The following NSUN6 variants were observed in gnomAD, a reference collection of about 807,000 sequenced individuals.
NSUN6 encodes the protein tRNA (cytosine(72)-C(5))-methyltransferase NSUN6.
NSUN6 carries 64 observed loss-of-function variants against 58.0 expected under a neutral mutation model. The observed-to-expected ratio is 1.10, with a 90% confidence interval of 0.90 to 1.36. The LOEUF is 1.36. Among genes scored for constraint, NSUN6 ranks in the 40% most tolerant of loss-of-function variants. NSUN6 has a pLI of 0.00. For missense variants in NSUN6, 701 were observed against 550.1 expected, an observed-to-expected ratio of 1.27 and a Z score of -2.74; for synonymous variants, 231 against 193.9, an observed-to-expected ratio of 1.19 and a Z score of -1.59.
intron 6 of NSUN6, among the ~76,000 whole-genome samples, chr10:18,599,792 T>A (rs144909549): frequency 1.6e-4 from 24 of 152,314 alleles, no homozygotes; most frequent in Admixed American, 8.5e-4. Context: ...AAAAATTCAG[T>A]TTCAGGCACC....
intron 8 of NSUN6, among the ~76,000 whole-genome samples, chr10:18,580,666 C>T (rs1402142371): frequency 2.0e-5 from 3 of 152,100 alleles, no homozygotes; most frequent in African/African-American, 7.2e-5. Context: ...AGGCTGCCAC[C>T]CCAGCCCAGC....
intron 6 of NSUN6, among the ~76,000 whole-genome samples, chr10:18,598,063 G>A (rs1209332371): frequency 1.3e-5 from 2 of 152,184 alleles, no homozygotes; most frequent in Non-Finnish European, 2.9e-5. Context: ...CAAAAGAAGT[G>A]AAATTAGCTT....
chr10:18,615,106 CATATAT>C (rs5783616), intron 4 of NSUN6, among the ~76,000 whole-genome samples: 8 of 147,066 alleles, frequency 5.4e-5, no homozygotes, highest in South Asian at 2.2e-4. Context: ...TATAGTCATT[CATATAT>C]ATATATATAT....
Position 18,545,981 on chromosome 10 carries a change from G to T in NSUN6, c.1362C>A (p.Asp454Glu). The change falls in exon 11 of 11, where the codon GAC (aspartate) becomes GAA (glutamate). Residue 454 changes from aspartate (D) to glutamate (E), a missense_variant. Asp to Glu is a conservative substitution (Grantham distance 45). Coordinates refer to ENST00000377304, the MANE Select transcript of NSUN6 (RefSeq NM_182543.5). ...REDMLRLANKDSIGFFIAKFV... is the reference protein window; with the variant it reads ...REDMLRLANKESIGFFIAKFV... Reference sequence around the variant, plus strand: ...ATTTTGCAATAAAAAAACCTATAGAGTCCTTATTAGCCAGACGCAACATGT... The same window carrying T: ...ATTTTGCAATAAAAAAACCTATAGATTCCTTATTAGCCAGACGCAACATGT... 6.3e-7 allele frequency: 1 copy of T among 1,584,018 alleles called. No homozygotes were observed. The highest frequency in any genetic ancestry group is 8.5e-7 in the Non-Finnish European group (1 of 1,172,082).
chr10:18,616,222 G>A lies in NSUN6; in HGVS notation c.383C>T (p.Ala128Val). 1.2e-6 allele frequency: 2 copies of A among 1,604,694 alleles called. No individual in the cohort carries two copies. The highest frequency in any genetic ancestry group is 1.7e-6 in the Non-Finnish European group (2 of 1,171,536). Reference sequence around the variant, plus strand: ...CACAATTCCTGGGGCATAGACATGGGCTCCTCTTAAAACTGCATTGCCACA... The same window carrying A: ...CACAATTCCTGGGGCATAGACATGGACTCCTCTTAAAACTGCATTGCCACA... ...AQCGNAVLRG[A>V]HVYAPGIVSA... The change falls in exon 4 of 11, where the codon GCC becomes GTC. Residue 128 changes from alanine (A) to valine (V), a missense_variant. By Grantham distance (64) the Ala-to-Val change is moderately conservative. Transcript: ENST00000377304.
At position 18,580,294 on chromosome 10, in the gene NSUN6, T is replaced by C. The variant is rs190190302; in HGVS notation, c.922+5655A>G. ...GTGCCATGACCCGCTCTTTTCTCCCTTTTCCAACTACTTTCCACTTCTCCG... is the reference window on the plus strand; with the variant it reads ...GTGCCATGACCCGCTCTTTTCTCCCCTTTCCAACTACTTTCCACTTCTCCG... On this transcript the variant is annotated intron_variant, in intron 8 of 10. Coordinates refer to ENST00000377304, the MANE Select transcript of NSUN6 (RefSeq NM_182543.5). Among the ~76,000 whole-genome samples the C allele has an allele frequency of 8.3e-4, 127 of 152,288 alleles. 2 individuals are homozygous for C. Among genetic ancestry groups the C allele is most frequent in the African/African-American group, 2.8e-3 (118 of 41,554 alleles).
rs112028728 is a variant in NSUN6, at chr10:18,641,369, C to CT, written c.311+1106dup. Among the ~76,000 whole-genome samples, 886 of 141,718 alleles carry CT rather than the reference C, an allele frequency of 6.3e-3. 1 individual carries two copies. The highest frequency in any genetic ancestry group is 0.011 in the Middle Eastern group (3 of 270). The allele number at this position is 141,718 out of a possible 152,430, so 93.0% of individuals were successfully genotyped here. A position where few individuals can be genotyped will look rare whatever the true frequency, so the allele number is the denominator to read the frequency against. Reference sequence around the variant, plus strand: ...ATTATACTATGAAAACTTATTTTTCCTTTTTTTTTTTTTTGAGACAAGGTC... The same window carrying CT: ...ATTATACTATGAAAACTTATTTTTCCTTTTTTTTTTTTTTTGAGACAAGGTC... On this transcript the variant is annotated intron_variant, in intron 3 of 10. Coordinates refer to ENST00000377304, the MANE Select transcript of NSUN6 (RefSeq NM_182543.5).
intron 8 of NSUN6, among the ~76,000 whole-genome samples, chr10:18,563,893 C>CATCCT (rs1482728564): frequency 4.0e-5 from 6 of 151,042 alleles, no homozygotes; most frequent in Admixed American, 6.6e-5. Flanking sequence ...CATTCCATTC[C>CATCCT]ATCCTCCATT....
At chr10:18,615,348 T>C (rs1469745778) in intron 4 of NSUN6, among the ~76,000 whole-genome samples, 1 of 152,182 alleles carries the variant, frequency 6.6e-6, no homozygotes, top group Admixed American at 6.5e-5. Flanking sequence ...TTTGGTCTAT[T>C]ACCTGACAAC....
intron 7 of NSUN6, among the ~76,000 whole-genome samples, chr10:18,593,642 G>C (rs1452960976): frequency 3.3e-5 from 5 of 152,084 alleles, no homozygotes; most frequent in Non-Finnish European, 5.9e-5. Flanking sequence ...TCACTCATAA[G>C]TGGGAGTTGA....
At chr10:18,642,932 C>G (rs1042651267) in intron 2 of NSUN6, among the ~76,000 whole-genome samples, 1 of 151,982 alleles carries the variant, frequency 6.6e-6, no homozygotes, top group African/African-American at 2.4e-5. Flanking sequence ...ATAAATACTA[C>G]CTAATATACA....
Position 18,651,552 on chromosome 10 carries a change from G to A in NSUN6, c.-349C>T, listed in dbSNP as rs1217651644. 4 of 1,008,610 alleles carry A rather than the reference G, an allele frequency of 4.0e-6. No homozygotes were observed. The allele number at this position is 1,008,610 out of a possible 1,614,324, so 62.5% of individuals were successfully genotyped here. A position where few individuals can be genotyped will look rare whatever the true frequency, so the allele number is the denominator to read the frequency against. ...GAAACGGACGCAGATCAGTAAGCCA[G>A]GCTGACAGCAGCTCGGTCCCTTTAT... is the stretch of plus-strand genomic sequence containing the variant. On this transcript the variant is annotated 5_prime_UTR_variant, in exon 1 of 11. Transcript: ENST00000377304.
At chr10:18,629,768 C>T (rs1401964920) in intron 3 of NSUN6, among the ~76,000 whole-genome samples, 2 of 146,042 alleles carry the variant, frequency 1.4e-5, no homozygotes, top group Non-Finnish European at 3.0e-5. Context: ...TCCTGAGTGA[C>T]CTACAAAGAG....
intron 3 of NSUN6, among the ~76,000 whole-genome samples, chr10:18,622,920 T>C (rs141419138): frequency 8.1e-4 from 124 of 152,304 alleles, no homozygotes; most frequent in African/African-American, 2.9e-3. Context: ...AAATTACCAA[T>C]TGGTTTTTGG....
chr10:18,562,475 G>C (rs1187505820), intron 8 of NSUN6, among the ~76,000 whole-genome samples: 3 of 150,898 alleles, frequency 2.0e-5, no homozygotes, highest in African/African-American at 7.4e-5. Flanking sequence ...TTGCAGAATG[G>C]AATGGATTGT....
At chr10:18,626,412 G>C (rs930462105) in intron 3 of NSUN6, among the ~76,000 whole-genome samples, 1 of 152,088 alleles carries the variant, frequency 6.6e-6, no homozygotes, top group African/African-American at 2.4e-5. Context: ...AAATTAGCTG[G>C]TAAAATTTTA....
intron 3 of NSUN6, among the ~76,000 whole-genome samples, chr10:18,626,210 A>G (rs12784986): frequency 6.6e-6 from 1 of 151,672 alleles, no homozygotes; most frequent in African/African-American, 2.4e-5. Flanking sequence ...GGGAAATAAC[A>G]ATGTTACAAA....
chr10:18,568,387 CTCCATTCCATTCTCCAT>C (rs1027392789), intron 8 of NSUN6, among the ~76,000 whole-genome samples: 24 of 114,796 alleles, frequency 2.1e-4, no homozygotes, highest in African/African-American at 6.3e-4. Context: ...CCCTTCCTTT[CTCCATTCCATTCTCCAT>C]TCCATTCCAT....
chr10:18,547,702 C>A (rs993230483), intron 10 of NSUN6, among the ~76,000 whole-genome samples: 1 of 152,010 alleles, frequency 6.6e-6, no homozygotes. Context: ...AGCTGGTCTT[C>A]TGATATCCCA....
Sources: gnomAD v4.1 joint callset for allele counts (sites outside exome capture counted in the v4.1 genomes callset) on GRCh38, gnomAD v4.1.1 for gene constraint, MANE v1.5 for transcripts, NCBI Gene and HGNC (gene_info 2026-07-23, HGNC 2026-07-21) for gene names.